The following ADAMTS6 variants were observed in gnomAD, a reference collection of about 807,000 sequenced individuals.
ADAMTS6 encodes ADAM metallopeptidase with thrombospondin type 1 motif 6, also known as A disintegrin and metalloproteinase with thrombospondin motifs 6.
A neutral mutation model predicts 144.3 loss-of-function variants in ADAMTS6; 23 were observed. That is an observed-to-expected ratio of 0.16 (90% confidence interval 0.11 to 0.23). The LOEUF (loss-of-function observed/expected upper bound fraction) is 0.23. ADAMTS6 is among the 10% of genes least tolerant of loss of function. The pLI is 1.00. For synonymous variants in ADAMTS6, 444 were observed against 457.5 expected, an observed-to-expected ratio of 0.97 and a Z score of 0.38; for missense variants, 999 against 1,379.6, an observed-to-expected ratio of 0.72 and a Z score of 4.37.
chr5:65,298,181 GGT>G (rs1332181317), intron 10 of ADAMTS6, among the ~76,000 whole-genome samples: 1 of 152,052 alleles, frequency 6.6e-6, no homozygotes, highest in Non-Finnish European at 1.5e-5. Flanking sequence ...GACAAGATCT[GGT>G]AGAAGATCAC....
intron 7 of ADAMTS6, among the ~76,000 whole-genome samples, chr5:65,353,853 A>G (rs1292792952): frequency 6.6e-6 from 1 of 151,950 alleles, no homozygotes; most frequent in Non-Finnish European, 1.5e-5. Context: ...ACACTATAAC[A>G]AAAATATATG....
chr5:65,374,989 T>G (rs933125074), intron 7 of ADAMTS6, among the ~76,000 whole-genome samples: 18 of 152,152 alleles, frequency 1.2e-4, no homozygotes, highest in African/African-American at 3.9e-4. Context: ...TGACAAACCT[T>G]AGAAAAACAA....
At chr5:65,458,649 A>T (rs1247851058) in intron 4 of ADAMTS6, among the ~76,000 whole-genome samples, 1 of 152,156 alleles carries the variant, frequency 6.6e-6, no homozygotes, top group Non-Finnish European at 1.5e-5. Context: ...TGACCTTGTG[A>T]TCTGCCTGCC....
At chr5:65,342,491 G>A (rs1380203445) in intron 7 of ADAMTS6, among the ~76,000 whole-genome samples, 1 of 152,060 alleles carries the variant, frequency 6.6e-6, no homozygotes, top group Non-Finnish European at 1.5e-5. Flanking sequence ...GGAATTGTGG[G>A]AGCTAAAATT....
intron 21 of ADAMTS6, among the ~76,000 whole-genome samples, chr5:65,193,268 A>G (rs1036229921): frequency 1.3e-5 from 2 of 152,176 alleles, no homozygotes; most frequent in Admixed American, 1.3e-4. Context: ...CATAAATAAC[A>G]TGGAAAATAG....
intron 3 of ADAMTS6, among the ~76,000 whole-genome samples, chr5:65,466,513 T>C (rs1472559678): frequency 6.6e-6 from 1 of 152,216 alleles, no homozygotes; most frequent in Non-Finnish European, 1.5e-5. Context: ...ACAAGCTATA[T>C]GATAACAGAG....
At chr5:65,259,807 T>C in intron 14 of ADAMTS6, among the ~76,000 whole-genome samples, 1 of 152,232 alleles carries the variant, frequency 6.6e-6, no homozygotes, top group Non-Finnish European at 1.5e-5. Context: ...AACAATCATC[T>C]GCATATTTAT....
chr5:65,229,094 C>T (rs2112420409), intron 15 of ADAMTS6, among the ~76,000 whole-genome samples: 1 of 152,300 alleles, frequency 6.6e-6, no homozygotes, highest in South Asian at 2.1e-4. Flanking sequence ...GCCAACACAA[C>T]TTTGCAGGAT....
At chr5:65,153,836 T>C (rs555389172) in intron 24 of ADAMTS6, among the ~76,000 whole-genome samples, 1 of 152,292 alleles carries the variant, frequency 6.6e-6, no homozygotes, top group Admixed American at 6.5e-5. Flanking sequence ...GTTTAAATTA[T>C]AATACATAAT....
At chr5:65,308,403 C>T (rs535730347) in intron 9 of ADAMTS6, among the ~76,000 whole-genome samples, 12 of 152,188 alleles carry the variant, frequency 7.9e-5, no homozygotes, top group Admixed American at 1.3e-4. Flanking sequence ...TAGGTTTGAT[C>T]GAAACCTTTA....
chr5:65,357,637 A>AAT, intron 7 of ADAMTS6, among the ~76,000 whole-genome samples: 1 of 151,894 alleles, frequency 6.6e-6, no homozygotes, highest in African/African-American at 2.4e-5. Context: ...TTCAAAAAAA[A>AAT]CATAAACAAA....
At chr5:65,230,137 A>G (rs1157676249) in intron 15 of ADAMTS6, among the ~76,000 whole-genome samples, 1 of 151,644 alleles carries the variant, frequency 6.6e-6, no homozygotes, top group East Asian at 1.9e-4. Flanking sequence ...AAAGATGTAG[A>G]CTGTAACATG....
chr5:65,439,646 G>T (rs552054237), intron 7 of ADAMTS6, among the ~76,000 whole-genome samples: 3 of 152,184 alleles, frequency 2.0e-5, no homozygotes, highest in East Asian at 3.9e-4. Flanking sequence ...GTGATCCTAG[G>T]TTAGTTAGTG....
At chr5:65,220,421 A>T (rs142208964) in intron 18 of ADAMTS6, among the ~76,000 whole-genome samples, 1 of 152,294 alleles carries the variant, frequency 6.6e-6, no homozygotes, top group East Asian at 1.9e-4. Context: ...AAATTAAAAC[A>T]AAGTGAATAG....
At chr5:65,468,094 A>T (rs73762008) in intron 3 of ADAMTS6, among the ~76,000 whole-genome samples, 1,757 of 152,320 alleles carry the variant, frequency 0.012, 26 homozygotes, top group African/African-American at 0.04. Context: ...CCATGGTCCA[A>T]ATACACAGCA....
chr5:65,234,631 A>T (rs1047608941), intron 15 of ADAMTS6, among the ~76,000 whole-genome samples: 3 of 152,122 alleles, frequency 2.0e-5, no homozygotes, highest in Non-Finnish European at 2.9e-5. Flanking sequence ...TGTGGAGAAA[A>T]GAAAACTCTT....
chr5:65,181,953 A>G (rs974880478), intron 22 of ADAMTS6, among the ~76,000 whole-genome samples: 1 of 152,230 alleles, frequency 6.6e-6, no homozygotes, highest in African/African-American at 2.4e-5. Context: ...GTTTATTCTA[A>G]TAACTTTTTC....
At chr5:65,162,147 T>C (rs969461428) in intron 24 of ADAMTS6, among the ~76,000 whole-genome samples, 2 of 152,234 alleles carry the variant, frequency 1.3e-5, no homozygotes, top group Non-Finnish European at 2.9e-5. Context: ...ATATTCTGCC[T>C]ACTCTGAAAA....
intron 11 of ADAMTS6, 42 bp from the exon 12 acceptor site, chr5:65,273,489 A>C: frequency 2.0e-6 from 3 of 1,488,384 alleles, no homozygotes; most frequent in Non-Finnish European, 2.8e-6. Context: ...AAATAGAGTC[A>C]TGTCCAATTC....
Sources: gnomAD v4.1 joint callset for allele counts (sites outside exome capture counted in the v4.1 genomes callset) on GRCh38, gnomAD v4.1.1 for gene constraint, MANE v1.5 for transcripts, NCBI Gene and HGNC (gene_info 2026-07-23, HGNC 2026-07-21) for gene names.